RHO: variants seen among roughly 807,000 people sequenced by gnomAD.
The protein encoded by RHO is opsin 2, rod pigment.
RHO carries 21 observed loss-of-function variants against 31.2 expected under a neutral mutation model. That is an observed-to-expected ratio of 0.67 (90% CI 0.48 to 0.97). The LOEUF is 0.97. RHO is among the 50% of genes least tolerant of loss of function. The probability of loss-of-function intolerance (pLI) is 0.00; values close to 1 mark genes in which losing one functional copy is unlikely to be tolerated. For synonymous variants in RHO, 211 were observed against 196.6 expected, an observed-to-expected ratio of 1.07 and a Z score of -0.61; for missense variants, 414 against 479.5, an observed-to-expected ratio of 0.86 and a Z score of 1.28.
Position 129,528,784 on chromosome 3 carries a change from G to C in RHO, c.51G>C (p.Thr17=), listed in dbSNP as rs753585848. The stretch of plus-strand genomic sequence containing the variant: ...TCTACGTGCCCTTCTCCAATGCGAC[G>C]GGTGTGGTACGCAGCCCCTTCGAGT... ...PNFYVPFSNA[T]GVVRSPFEYP... is the part of the protein sequence containing the mutation. Residue 17 remains threonine, a synonymous_variant, in exon 1 of 5, where the codon ACG becomes ACC. Coordinates refer to ENST00000296271, the MANE Select transcript of RHO (RefSeq NM_000539.3). 10 of 1,614,034 alleles carry C rather than the reference G, an allele frequency of 6.2e-6. No individual in the cohort carries two copies. The highest frequency in any genetic ancestry group is 3.3e-5 in the Admixed American group (2 of 60,006).
chr3:129,529,186 C>T, intron 1 of RHO, 92 bp downstream of exon 1: 1 of 1,430,166 alleles, frequency 7.0e-7, no homozygotes, highest in Non-Finnish European at 9.5e-7. Flanking sequence ...GCTGAGAGGC[C>T]TTCTCCCTTC....
At position 129,533,657 on chromosome 3, in the gene RHO, G is replaced by A; in HGVS notation, c.986G>A (p.Gly329Asp). 1.9e-6 allele frequency: 3 copies of A among 1,614,108 alleles called. No individual in the cohort carries two copies. Among genetic ancestry groups the A allele is most frequent in the Non-Finnish European group, 2.5e-6 (3 of 1,180,024 alleles). Residue 329 changes from glycine (G) to aspartate (D), a missense_variant, in exon 5 of 5, where the codon GGT becomes GAT. Gly to Asp is a moderately conservative substitution (Grantham distance 94). Coordinates refer to ENST00000296271, the MANE Select transcript of RHO (RefSeq NM_000539.3). ...TTICCGKNPLGDDEASATVSK... is the reference protein window; with the variant it reads ...TTICCGKNPLDDDEASATVSK... ...ATCTGCTGCGGCAAGAACCCACTGG[G>A]TGACGATGAGGCCTCTGCTACCGTG...
chr3:129,530,586 C>T (rs1216344354), intron 1 of RHO, among the ~76,000 whole-genome samples: 1 of 140,348 alleles, frequency 7.1e-6, no homozygotes. Flanking sequence ...CTACCGGGTT[C>T]CCAGTTCAAT....
At position 129,530,527 on chromosome 3, in the gene RHO, AC is replaced by A. The variant is rs1182924383; in HGVS notation, c.362-348del. Among the ~76,000 whole-genome samples the A allele has an allele frequency of 5.5e-3, 666 of 122,098 alleles. 2 individuals carry two copies. Among genetic ancestry groups the A allele is most frequent in the Non-Finnish European group, 7.6e-3 (488 of 64,272 alleles). 80.1% of individuals were successfully genotyped at this position (122,098 alleles called of 152,430 possible). The stretch of plus-strand genomic sequence containing the variant: ...GCTAAACACACACACACACACACAC[AC>A]ACACAACACACACACACACACACAC... On this transcript the variant is annotated intron_variant, in intron 1 of 4. Transcript: ENST00000296271.
chr3:129,530,839 T>A, intron 1 of RHO, 37 bp from the exon 2 acceptor site: 1 of 1,613,520 alleles, frequency 6.2e-7, no homozygotes, highest in Non-Finnish European at 8.5e-7. Context: ...CCTTAGGCAG[T>A]GGGGTCTGTG....
chr3:129,530,568 A>ACACACACACACACACACACACACACAC, intron 1 of RHO, among the ~76,000 whole-genome samples: 4 of 150,708 alleles, frequency 2.7e-5, no homozygotes, highest in African/African-American at 9.8e-5. Context: ...ACACACACAC[A>ACACACACACACACACACACACACACAC]AAACTCCCTA....
At position 129,530,087 on chromosome 3, in the gene RHO, C is replaced by T. The variant is rs575196456; in HGVS notation, c.362-789C>T. On this transcript the variant is annotated intron_variant, in intron 1 of 4. Transcript: ENST00000296271. ...GGTCCCATTCTCAGGGAATCTCTGGCCATTGTTGGGTGTTTGTTGCATTCA... is the reference window on the plus strand; with the variant it reads ...GGTCCCATTCTCAGGGAATCTCTGGTCATTGTTGGGTGTTTGTTGCATTCA... Among the ~76,000 whole-genome samples the T allele has an allele frequency of 9.2e-5, 14 of 152,278 alleles. No homozygotes were observed. The East Asian group carries it at 2.7e-3, about 29-fold the overall frequency.
rs776654836 is a variant in RHO, at chr3:129,531,044, G to A, written c.530G>A (p.Arg177Lys). 6.2e-7 allele frequency: 1 copy of A among 1,613,342 alleles called. No individual in the cohort carries two copies. Among genetic ancestry groups the A allele is most frequent in the Non-Finnish European group, 8.5e-7 (1 of 1,180,048 alleles). Reference protein sequence around the residue: ...CAAPPLAGWSRYIPEGLQCSC... With the variant: ...CAAPPLAGWSKYIPEGLQCSC... Reference sequence around the variant, plus strand: ...GCACCCCCACTCGCCGGCTGGTCCAGGTAATGGCACTGAGCAGAAGGGAAG... The same window carrying A: ...GCACCCCCACTCGCCGGCTGGTCCAAGTAATGGCACTGAGCAGAAGGGAAG... The change falls in exon 2 of 5, where the codon AGG (arginine) becomes AAG (lysine). Residue 177 changes from arginine (R) to lysine (K), a missense_variant and splice_region_variant. Arg to Lys is a conservative substitution (Grantham distance 26). Coordinates refer to ENST00000296271, the MANE Select transcript of RHO (RefSeq NM_000539.3).
chr3:129,533,342 A>T (rs1261718625), intron 4 of RHO, among the ~76,000 whole-genome samples: 1 of 152,180 alleles, frequency 6.6e-6, no homozygotes, highest in Non-Finnish European at 1.5e-5. Context: ...ATTACAAGAG[A>T]TAATTTACAG....
chr3:129,533,776 C>A lies in RHO; in HGVS notation c.*58C>A. ...CGTCTCCCATCCCCTACACCTTCCCCCAGCCACAGCCATCCCACCAGGAGC... is the reference window on the plus strand; with the variant it reads ...CGTCTCCCATCCCCTACACCTTCCCACAGCCACAGCCATCCCACCAGGAGC... On this transcript the variant is annotated 3_prime_UTR_variant, in exon 5 of 5. Coordinates refer to ENST00000296271, the MANE Select transcript of RHO (RefSeq NM_000539.3). 1 of 1,134,076 alleles carries A rather than the reference C, an allele frequency of 8.8e-7. No individual in the cohort carries two copies. Among genetic ancestry groups the A allele is most frequent in the Non-Finnish European group, 1.3e-6 (1 of 744,008 alleles). The allele number at this position is 1,134,076 out of a possible 1,614,324, so 70.3% of individuals were successfully genotyped here.
At chr3:129,531,722 G>A (rs2084781650) in intron 2 of RHO, among the ~76,000 whole-genome samples, 1 of 152,174 alleles carries the variant, frequency 6.6e-6, no homozygotes, top group South Asian at 2.1e-4. Context: ...GGACGCTCTG[G>A]GTTTCCTGAG....
rs1399079770 is a variant in RHO, at chr3:129,533,604, C to T, written c.937-4C>T. On this transcript the variant is annotated splice_region_variant and splice_polypyrimidine_tract_variant and intron_variant, in intron 4 of 4. Transcript: ENST00000296271. Reference sequence around the variant, plus strand: ...GGCCCTGACTCAAGCCTCTTGCCTTCCAGTTCCGGAACTGCATGCTCACCA... The same window carrying T: ...GGCCCTGACTCAAGCCTCTTGCCTTTCAGTTCCGGAACTGCATGCTCACCA... The T allele has an allele frequency of 1.9e-6, 3 of 1,610,424 alleles. No individual in the cohort carries two copies. Among genetic ancestry groups the T allele is most frequent in the Admixed American group, 3.3e-5 (2 of 60,000 alleles).
chr3:129,528,846 C>G lies in RHO; in HGVS notation c.113C>G (p.Ser38Cys). ...QYYLAEPWQF[S>C]MLAAYMFLLI... Reference sequence around the variant, plus strand: ...TACCTGGCTGAGCCATGGCAGTTCTCCATGCTGGCCGCCTACATGTTTCTG... The same window carrying G: ...TACCTGGCTGAGCCATGGCAGTTCTGCATGCTGGCCGCCTACATGTTTCTG... The change falls in exon 1 of 5, where the codon TCC becomes TGC. Residue 38 changes from serine (S) to cysteine (C), a missense_variant. Ser to Cys is a moderately radical substitution (Grantham distance 112, BLOSUM62 -1). Transcript: ENST00000296271. The G allele has an allele frequency of 6.2e-7, 1 of 1,614,250 alleles. No individual in the cohort carries two copies. The highest frequency in any genetic ancestry group is 1.7e-5 in the Admixed American group (1 of 60,028).
At position 129,532,928 on chromosome 3, in the gene RHO, G is replaced by C. The variant is rs1357893715; in HGVS notation, c.936+156G>C. On this transcript the variant is annotated intron_variant, in intron 4 of 4. Coordinates refer to ENST00000296271, the MANE Select transcript of RHO (RefSeq NM_000539.3). The surrounding 1 kb of genome is among the most constrained non-coding windows in gnomAD (Gnocchi z 5.5). ...CAATGGGGAGTGTGTGAGAAATGCAGATTCCTGGCCCCACTCAGAACTGCT... is the reference window on the plus strand; with the variant it reads ...CAATGGGGAGTGTGTGAGAAATGCACATTCCTGGCCCCACTCAGAACTGCT... Among the ~76,000 whole-genome samples the C allele has an allele frequency of 6.6e-6, 1 of 152,194 alleles. No homozygotes were observed. Among genetic ancestry groups the C allele is most frequent in the Non-Finnish European group, 1.5e-5 (1 of 68,022 alleles).
Position 129,530,866 on chromosome 3 carries a change from T to A in RHO, c.362-10T>A. Reference sequence around the variant, plus strand: ...GGGTCTGTGCTGACCGCCTGCTGACTGCCTTGCAGGTGAAATTGCCCTGTG... The same window carrying A: ...GGGTCTGTGCTGACCGCCTGCTGACAGCCTTGCAGGTGAAATTGCCCTGTG... On this transcript the variant is annotated splice_polypyrimidine_tract_variant and intron_variant, in intron 1 of 4. Transcript: ENST00000296271. The A allele has an allele frequency of 1.9e-6, 3 of 1,614,250 alleles. No homozygotes were observed.
chr3:129,529,577 G>C (rs1284402553), intron 1 of RHO, among the ~76,000 whole-genome samples: 1 of 152,186 alleles, frequency 6.6e-6, no homozygotes, highest in African/African-American at 2.4e-5. Flanking sequence ...GGTGGGAAGT[G>C]GATTTTCCAT....
At chr3:129,531,522 A>T (rs542966841) in intron 2 of RHO, among the ~76,000 whole-genome samples, 29 of 152,196 alleles carry the variant, frequency 1.9e-4, no homozygotes, top group African/African-American at 6.7e-4. Flanking sequence ...GGACAATAGG[A>T]CTGGTGACTC....
intron 1 of RHO, 96 bp from the exon 2 acceptor site, chr3:129,530,780 T>A: frequency 2.0e-6 from 3 of 1,480,268 alleles, no homozygotes; most frequent in Non-Finnish European, 2.8e-6. Flanking sequence ...CTCCCACTCC[T>A]GGTTGCCTTC....
chr3:129,530,853 A>G, intron 1 of RHO, 23 bp from the exon 2 acceptor site: 2 of 1,613,970 alleles, frequency 1.2e-6, no homozygotes. Flanking sequence ...GTCTGTGCTG[A>G]CCGCCTGCTG....
Sources: allele counts gnomAD v4.1 joint callset (sites outside exome capture counted in the v4.1 genomes callset), GRCh38; gene constraint gnomAD v4.1.1; non-coding constraint Gnocchi (gnomAD v3.1); transcripts MANE v1.5; gene names NCBI Gene and HGNC (gene_info 2026-07-23, HGNC 2026-07-21).